Variants in ESRRG observed in about 807,000 individuals in gnomAD.
The protein encoded by ESRRG is estrogen-related receptor gamma.
In ESRRG, 13 loss-of-function variants were observed where a neutral mutation model predicts 44.0. That is an observed-to-expected ratio of 0.30 (90% CI 0.19 to 0.47). ESRRG has a LOEUF of 0.47. Ranked by LOEUF, ESRRG falls within the 20% of genes least tolerant of loss-of-function variation. The pLI is 1.00. For missense variants in ESRRG, 395 were observed against 580.6 expected (o/e 0.68, Z 3.29); for synonymous variants, 215 against 214.6 (o/e 1.00, Z -0.02).
chr1:216,955,214 G>A (rs989650984), intron 1 of ESRRG, among the ~76,000 whole-genome samples: 2 of 151,856 alleles, frequency 1.3e-5, no homozygotes, highest in African/African-American at 2.4e-5. Flanking sequence ...ACCCCTCCCA[G>A]CCTCTTATAA....
intron 3 of ESRRG, among the ~76,000 whole-genome samples, chr1:216,596,049 C>T (rs1212966471): frequency 1.3e-5 from 2 of 152,166 alleles, no homozygotes; most frequent in Admixed American, 1.3e-4. Context: ...GGGTTTCTTA[C>T]GTTGCTTCCA....
At chr1:216,970,193 G>A (rs2071356092) in intron 1 of ESRRG, among the ~76,000 whole-genome samples, 1 of 152,140 alleles carries the variant, frequency 6.6e-6, no homozygotes, top group Admixed American at 6.5e-5. Context: ...AGCCACCAGA[G>A]TTTTACTATC....
chr1:216,769,576 G>C (rs146267213), intron 2 of ESRRG, among the ~76,000 whole-genome samples: 1 of 152,032 alleles, frequency 6.6e-6, no homozygotes, highest in Non-Finnish European at 1.5e-5. Context: ...ACATGAAGCC[G>C]TCACATGTAA....
intron 2 of ESRRG, among the ~76,000 whole-genome samples, chr1:216,920,592 G>A (rs2061717901): frequency 2.0e-5 from 3 of 152,136 alleles, no homozygotes; most frequent in Admixed American, 2.0e-4. Flanking sequence ...CAAAGAAAGA[G>A]ACTTATATCA....
rs1416348396 is a variant in ESRRG, at chr1:216,780,496, G to A, written c.-13-103005C>T. On this transcript the variant is annotated intron_variant, in intron 2 of 7. Coordinates refer to the ESRRG transcript ENST00000359162. ...AATAAGAGCTAGAAATTGCTGAAAT[G>A]TACTGAACCCTTACGAAATCAGATA... Among the ~76,000 whole-genome samples, 5 of 151,994 alleles carry A rather than the reference G, an allele frequency of 3.3e-5. No homozygotes were observed. The East Asian group carries it at 7.7e-4, about 24-fold the overall frequency.
intron 5 of ESRRG, among the ~76,000 whole-genome samples, chr1:216,544,321 C>A (rs2053797142): frequency 6.6e-6 from 1 of 151,982 alleles, no homozygotes; most frequent in African/African-American, 2.4e-5. Flanking sequence ...TGATTAAATT[C>A]CTTAAAAATA....
At chr1:216,735,714 T>G (rs146601422) in intron 2 of ESRRG, among the ~76,000 whole-genome samples, 2 of 151,940 alleles carry the variant, frequency 1.3e-5, no homozygotes, top group East Asian at 3.9e-4. Flanking sequence ...GGAGTGGTGG[T>G]TCATGCCTGT....
intron 3 of ESRRG, among the ~76,000 whole-genome samples, chr1:216,645,484 C>G (rs1208276580): frequency 1.3e-5 from 2 of 151,994 alleles, no homozygotes; most frequent in Non-Finnish European, 2.9e-5. Flanking sequence ...TCTAACTGGT[C>G]CCCTGAAGAT....
At chr1:216,568,502 A>G (rs1225596599) in intron 3 of ESRRG, among the ~76,000 whole-genome samples, 1 of 152,156 alleles carries the variant, frequency 6.6e-6, no homozygotes, top group Non-Finnish European at 1.5e-5. Flanking sequence ...ACCAAGAGCT[A>G]TCCAACTTCC....
chr1:216,943,648 C>T (rs1052239308), intron 1 of ESRRG, among the ~76,000 whole-genome samples: 2 of 152,152 alleles, frequency 1.3e-5, no homozygotes, highest in Non-Finnish European at 2.9e-5. Flanking sequence ...GCCTGAACAG[C>T]ATATACTCTC....
chr1:216,764,758 A>T (rs2092989135), intron 2 of ESRRG, among the ~76,000 whole-genome samples: 1 of 152,184 alleles, frequency 6.6e-6, no homozygotes, highest in Non-Finnish European at 1.5e-5. Context: ...CAGATGGCTC[A>T]TTTAACCTCT....
chr1:216,535,529 T>C (rs138729269), intron 5 of ESRRG, among the ~76,000 whole-genome samples: 187 of 152,276 alleles, frequency 1.2e-3, no homozygotes, highest in Non-Finnish European at 2.3e-3. Flanking sequence ...CTTCCCTTCT[T>C]GTCTGTAGCA....
At chr1:216,681,881 G>A (rs1029551297) in intron 1 of ESRRG, 2 of 152,044 alleles carry the variant, frequency 1.3e-5, no homozygotes, top group African/African-American at 2.4e-5. Context: ...AATTGTTTTC[G>A]GAGATTCTAC....
chr1:216,565,874 C>T (rs1275156819), intron 4 of ESRRG, among the ~76,000 whole-genome samples: 2 of 152,226 alleles, frequency 1.3e-5, no homozygotes, highest in East Asian at 1.9e-4. Context: ...ACTTTCATTG[C>T]TCTGACAATG....
At chr1:216,868,075 G>A (rs1392642298) in intron 2 of ESRRG, among the ~76,000 whole-genome samples, 1 of 122,920 alleles carries the variant, frequency 8.1e-6, no homozygotes, top group African/African-American at 3.1e-5. Context: ...TGTGTATATT[G>A]ATCCTTTTTT....
chr1:217,100,719 CGA>C (rs894308372), intron 1 of ESRRG, among the ~76,000 whole-genome samples: 15 of 152,114 alleles, frequency 9.9e-5, no homozygotes, highest in Admixed American at 9.2e-4. Context: ...CATCACATGG[CGA>C]GAGTGGGAGC....
chr1:216,772,094 G>A (rs1010534195), intron 2 of ESRRG, among the ~76,000 whole-genome samples: 7 of 151,996 alleles, frequency 4.6e-5, no homozygotes, highest in East Asian at 1.9e-4. Context: ...ACAGGTACCC[G>A]ACAGATTTAA....
At chr1:216,999,200 G>T (rs2076721591) in intron 1 of ESRRG, among the ~76,000 whole-genome samples, 1 of 152,096 alleles carries the variant, frequency 6.6e-6, no homozygotes, top group Non-Finnish European at 1.5e-5. Flanking sequence ...GGAGGACTAG[G>T]GGAAGACAAG....
At chr1:216,843,802 T>A (rs1358965437) in intron 2 of ESRRG, among the ~76,000 whole-genome samples, 5 of 152,142 alleles carry the variant, frequency 3.3e-5, no homozygotes, top group African/African-American at 1.2e-4. Flanking sequence ...TTTCTTCTGA[T>A]GGGTGAGTTG....
Sources: gnomAD v4.1 joint callset for allele counts (sites outside exome capture counted in the v4.1 genomes callset) on GRCh38, gnomAD v4.1.1 for gene constraint, MANE v1.5 for transcripts, NCBI Gene and HGNC (gene_info 2026-07-23, HGNC 2026-07-21) for gene names.